The following ULK4 variants were observed in gnomAD, a reference collection of about 807,000 sequenced individuals.
The protein encoded by ULK4 is unc-51 like kinase 4.
Under a neutral mutation model 160.6 loss-of-function variants are expected in ULK4, and 133 were observed. That is an observed-to-expected ratio of 0.83 (90% CI 0.72 to 0.96). The LOEUF (loss-of-function observed/expected upper bound fraction) is 0.96. Ranked by LOEUF, ULK4 falls within the 40% of genes least tolerant of loss-of-function variation. ULK4 has a pLI of 0.00. For missense variants in ULK4, 1,580 were observed against 1,499.5 expected, an observed-to-expected ratio of 1.05 and a Z score of -0.89; for synonymous variants, 534 against 539.8, an observed-to-expected ratio of 0.99 and a Z score of 0.15.
intron 34 of ULK4, among the ~76,000 whole-genome samples, chr3:41,437,103 G>A (rs1236887029): frequency 6.6e-5 from 10 of 152,138 alleles, no homozygotes; most frequent in Non-Finnish European, 1.3e-4. Context: ...AGCCAACCAA[G>A]CTATACTTAG....
chr3:41,840,639 G>A (rs1362040726), intron 17 of ULK4, among the ~76,000 whole-genome samples: 4 of 152,246 alleles, frequency 2.6e-5, no homozygotes, highest in Admixed American at 2.6e-4. Context: ...GCCTCCCGGG[G>A]TGCTGGGATT....
chr3:41,906,303 T>G (rs1698558950), intron 12 of ULK4, among the ~76,000 whole-genome samples: 1 of 148,176 alleles, frequency 6.7e-6, no homozygotes, highest in African/African-American at 2.5e-5. Flanking sequence ...GACAGGAGCA[T>G]CGCTTGAGCT....
In ULK4 at chr3:41,712,228, C is replaced by G. The variant is rs146019512; in HGVS notation, c.2634+3009G>C. Among the ~76,000 whole-genome samples the G allele has an allele frequency of 1.6e-4, 25 of 152,268 alleles. 1 individual carries two copies. The East Asian group carries it at 4.6e-3, about 28-fold the overall frequency. On this transcript the variant is annotated intron_variant, in intron 25 of 36. Coordinates refer to ENST00000301831, the MANE Select transcript of ULK4 (RefSeq NM_017886.4). ...ATGTCTGTAGGTCAAATAGGCAAAC[C>G]ATGCCCTAGTGCCATTATAAAAATG... is the stretch of plus-strand genomic sequence containing the variant.
chr3:41,453,409 C>T (rs996714283), intron 34 of ULK4, among the ~76,000 whole-genome samples: 6 of 151,930 alleles, frequency 3.9e-5, no homozygotes, highest in African/African-American at 1.5e-4. Context: ...ATGCCAGGAC[C>T]CAATCGATTC....
At chr3:41,668,874 C>T (rs560167350) in intron 29 of ULK4, among the ~76,000 whole-genome samples, 3 of 152,234 alleles carry the variant, frequency 2.0e-5, no homozygotes, top group South Asian at 2.1e-4. Flanking sequence ...GAGAAAAATA[C>T]TTATACTCTT....
intron 2 of ULK4, among the ~76,000 whole-genome samples, chr3:41,939,598 T>C (rs1654161029): frequency 6.6e-6 from 1 of 152,182 alleles, no homozygotes; most frequent in African/African-American, 2.4e-5. Context: ...TACAATCTAC[T>C]TTTAAAAATA....
rs377089332 is a variant in ULK4, at chr3:41,822,380, T to A, written c.1765-2874A>T. 3.0e-4 allele frequency among the ~76,000 whole-genome samples: 45 copies of A among 152,318 alleles called. No individual in the cohort carries two copies. The South Asian group carries it at 9.3e-3, about 32-fold the overall frequency. ...TAGTGCTTAGTGGAAGACTGAGATT[T>A]TTTTTGTTTCATTTTGTTTTTCTTG... On this transcript the variant is annotated intron_variant, in intron 18 of 36. Coordinates refer to ENST00000301831, the MANE Select transcript of ULK4 (RefSeq NM_017886.4).
intron 35 of ULK4, among the ~76,000 whole-genome samples, chr3:41,374,523 C>A (rs2081438605): frequency 6.6e-6 from 1 of 152,074 alleles, no homozygotes; most frequent in Non-Finnish European, 1.5e-5. Flanking sequence ...AGAAAAAGAA[C>A]CCATGGAAAA....
At chr3:41,905,612 C>A (rs768334533) in intron 12 of ULK4, among the ~76,000 whole-genome samples, 1 of 151,922 alleles carries the variant, frequency 6.6e-6, no homozygotes, top group Non-Finnish European at 1.5e-5. Flanking sequence ...GTAAAAAATT[C>A]TTACAACTAA....
At chr3:41,887,758 T>C (rs1697775037) in intron 16 of ULK4, among the ~76,000 whole-genome samples, 1 of 115,616 alleles carries the variant, frequency 8.6e-6, no homozygotes, top group South Asian at 3.4e-4. Flanking sequence ...GAGGTGGAGG[T>C]TGCAGTGAGC....
intron 21 of ULK4, among the ~76,000 whole-genome samples, chr3:41,761,387 A>C (rs1452100867): frequency 6.7e-6 from 1 of 148,516 alleles, no homozygotes; most frequent in East Asian, 1.9e-4. Context: ...TATTAGATTT[A>C]TTATACATGC....
At chr3:41,916,816 T>G (rs1559648623) in intron 7 of ULK4, among the ~76,000 whole-genome samples, 1 of 151,390 alleles carries the variant, frequency 6.6e-6, no homozygotes, top group Non-Finnish European at 1.5e-5. Flanking sequence ...TATGCGATTC[T>G]CCTGTCTCAG....
At chr3:41,501,122 C>T (rs1285143554) in intron 32 of ULK4, among the ~76,000 whole-genome samples, 3 of 152,058 alleles carry the variant, frequency 2.0e-5, no homozygotes, top group Non-Finnish European at 4.4e-5. Flanking sequence ...GGTGAGAATG[C>T]GAAACAACTG....
chr3:41,572,432 T>G (rs1459929353), intron 31 of ULK4, among the ~76,000 whole-genome samples: 1 of 152,094 alleles, frequency 6.6e-6, no homozygotes, highest in Non-Finnish European at 1.5e-5. Context: ...CCCCCACCAC[T>G]GGGATCTTCT....
chr3:41,789,912 A>G (rs988649880), intron 20 of ULK4, 69 bp from the exon 21 acceptor site: 3 of 1,353,734 alleles, frequency 2.2e-6, no homozygotes, highest in Non-Finnish European at 2.9e-6. Flanking sequence ...GAAAGGTAAC[A>G]CATGCTTCTG....
At chr3:41,932,705 T>A (rs1228740167) in intron 4 of ULK4, among the ~76,000 whole-genome samples, 3 of 152,204 alleles carry the variant, frequency 2.0e-5, no homozygotes, top group Non-Finnish European at 4.4e-5. Context: ...GTATTAAAAG[T>A]ATTTCTACAT....
intron 35 of ULK4, among the ~76,000 whole-genome samples, chr3:41,385,751 C>T (rs1487217385): frequency 6.6e-6 from 1 of 152,094 alleles, no homozygotes; most frequent in Admixed American, 6.6e-5. Context: ...TGGAAAAACA[C>T]AAATCTCAAT....
chr3:41,833,782 T>A (rs1400172299), intron 18 of ULK4, among the ~76,000 whole-genome samples: 1 of 152,210 alleles, frequency 6.6e-6, no homozygotes, highest in East Asian at 1.9e-4. Flanking sequence ...GGTTTCTAAA[T>A]CTAGAATCAT....
At chr3:41,329,495 A>G (rs1028021833) in intron 35 of ULK4, among the ~76,000 whole-genome samples, 7 of 152,220 alleles carry the variant, frequency 4.6e-5, no homozygotes, top group African/African-American at 1.7e-4. Flanking sequence ...ATTTCCCTTT[A>G]CAACTTTCAC....
Sources: gnomAD v4.1 joint callset for allele counts (sites outside exome capture counted in the v4.1 genomes callset) on GRCh38, gnomAD v4.1.1 for gene constraint, MANE v1.5 for transcripts, NCBI Gene and HGNC (gene_info 2026-07-23, HGNC 2026-07-21) for gene names.